SH3RF3: variants seen among roughly 807,000 people sequenced by gnomAD.
SH3RF3 encodes E3 ubiquitin-protein ligase SH3RF3.
A neutral mutation model predicts 66.3 loss-of-function variants in SH3RF3; 29 were observed. That is an observed-to-expected ratio of 0.44 (90% CI 0.33 to 0.60). The LOEUF (loss-of-function observed/expected upper bound fraction) is 0.60, where lower values mean the gene tolerates loss of function less well. SH3RF3 is among the 20% of genes least tolerant of loss of function. SH3RF3 has a pLI of 0.04. For synonymous variants in SH3RF3, 583 were observed against 532.0 expected, an observed-to-expected ratio of 1.10 and a Z score of -1.32; for missense variants, 1,194 against 1,190.9, an observed-to-expected ratio of 1.00 and a Z score of -0.04.
chr2:109,418,181 C>T (rs1676775040), intron 4 of SH3RF3, among the ~76,000 whole-genome samples: 1 of 152,060 alleles, frequency 6.6e-6, no homozygotes, highest in Admixed American at 6.5e-5. Context: ...CTGCTGGGAC[C>T]CCTATTCTGC....
chr2:109,245,540 T>A (rs1679896157), intron 1 of SH3RF3, among the ~76,000 whole-genome samples: 2 of 152,242 alleles, frequency 1.3e-5, no homozygotes, highest in Admixed American at 1.3e-4. Context: ...TTTTTATTTT[T>A]ATTGGACAAA....
rs191132256 is a variant in SH3RF3 at position 109,250,953 on chromosome 2, A to G, written c.574-96721A>G. ...ATTTCTAAATTAACGTTGTTTAGGC[A>G]TATACATTGCATTCTGTATAGCTTT... On this transcript the variant is annotated intron_variant, in intron 1 of 9. Transcript: ENST00000309415. 8.8e-3 allele frequency among the ~76,000 whole-genome samples: 1,339 copies of G among 152,172 alleles called. 7 individuals carry two copies. The highest frequency in any genetic ancestry group is 0.015 in the Non-Finnish European group (989 of 67,986).
intron 1 of SH3RF3, among the ~76,000 whole-genome samples, chr2:109,252,265 A>C (rs1680111580): frequency 6.6e-6 from 1 of 151,862 alleles, no homozygotes; most frequent in Non-Finnish European, 1.5e-5. Flanking sequence ...AAAAAAAAAA[A>C]AAACTTTCAA....
chr2:109,195,665 TC>T (rs1353745653), intron 1 of SH3RF3, among the ~76,000 whole-genome samples: 4 of 152,216 alleles, frequency 2.6e-5, no homozygotes, highest in Non-Finnish European at 5.9e-5. Context: ...GCCAGAGAGC[TC>T]CGCGTTTGCA....
intron 2 of SH3RF3, among the ~76,000 whole-genome samples, chr2:109,351,708 A>T (rs1312030768): frequency 6.6e-6 from 1 of 152,192 alleles, no homozygotes; most frequent in Non-Finnish European, 1.5e-5. Flanking sequence ...ACATGACTGC[A>T]GCGGGGCCCC....
chr2:109,402,375 C>A (rs1676338979), intron 4 of SH3RF3, among the ~76,000 whole-genome samples: 1 of 152,264 alleles, frequency 6.6e-6, no homozygotes, highest in Admixed American at 6.5e-5. Context: ...GCCCAGGATT[C>A]TGTGGTCAGT....
At chr2:109,197,561 G>GAATC (rs762407307) in intron 1 of SH3RF3, among the ~76,000 whole-genome samples, 4 of 152,256 alleles carry the variant, frequency 2.6e-5, no homozygotes, top group Non-Finnish European at 5.9e-5. Flanking sequence ...GGTGGCCGGG[G>GAATC]AGGGGTGGGA....
At chr2:109,325,000 G>A (rs1682116431) in intron 1 of SH3RF3, among the ~76,000 whole-genome samples, 1 of 152,140 alleles carries the variant, frequency 6.6e-6, no homozygotes, top group African/African-American at 2.4e-5. Flanking sequence ...TTTGTTCTGG[G>A]AGAGGCCTTT....
At chr2:109,476,570 TC>T (rs1278302937) in intron 8 of SH3RF3, among the ~76,000 whole-genome samples, 2 of 152,150 alleles carry the variant, frequency 1.3e-5, no homozygotes, top group Admixed American at 6.5e-5. Context: ...CCTCTAAAGC[TC>T]TCGGGCTCTC....
chr2:109,262,943 C>T (rs548205087), intron 1 of SH3RF3, among the ~76,000 whole-genome samples: 4 of 152,272 alleles, frequency 2.6e-5, no homozygotes, highest in African/African-American at 9.6e-5. Flanking sequence ...AGCAACTCTT[C>T]TGTCTCAGCC....
At chr2:109,413,227 G>T (rs1676641041) in intron 4 of SH3RF3, among the ~76,000 whole-genome samples, 1 of 152,190 alleles carries the variant, frequency 6.6e-6, no homozygotes. Context: ...CGATTCTCCT[G>T]CCTGAGCCTC....
At chr2:109,271,095 C>G in intron 1 of SH3RF3, among the ~76,000 whole-genome samples, 1 of 152,166 alleles carries the variant, frequency 6.6e-6, no homozygotes, top group South Asian at 2.1e-4. Context: ...CACCCCAGCT[C>G]AAGCACCCAG....
intron 4 of SH3RF3, among the ~76,000 whole-genome samples, chr2:109,406,207 G>A (rs190260810): frequency 3.3e-3 from 503 of 152,320 alleles, no homozygotes; most frequent in Non-Finnish European, 5.7e-3. Context: ...GTGCTCTGCT[G>A]GGGGAGGGAG....
chr2:109,143,090 G>T (rs947765930), intron 1 of SH3RF3, among the ~76,000 whole-genome samples: 1 of 152,144 alleles, frequency 6.6e-6, no homozygotes, highest in Admixed American at 6.5e-5. Context: ...AGTGTGGGGG[G>T]CCTGCCATGA....
At chr2:109,334,997 C>A (rs947986454) in intron 1 of SH3RF3, among the ~76,000 whole-genome samples, 1 of 152,256 alleles carries the variant, frequency 6.6e-6, no homozygotes, top group African/African-American at 2.4e-5. Context: ...GCTCTGAGAA[C>A]GCGATTTATG....
chr2:109,187,663 A>C (rs1306584127), intron 1 of SH3RF3, among the ~76,000 whole-genome samples: 2 of 152,020 alleles, frequency 1.3e-5, no homozygotes, highest in Non-Finnish European at 2.9e-5. Context: ...ATGCATGTAC[A>C]CTCTGATGTT....
At chr2:109,201,705 G>T (rs987583660) in intron 1 of SH3RF3, among the ~76,000 whole-genome samples, 1 of 152,226 alleles carries the variant, frequency 6.6e-6, no homozygotes, top group Non-Finnish European at 1.5e-5. Context: ...GAAACGCTGC[G>T]CCTTGCATGG....
intron 1 of SH3RF3, among the ~76,000 whole-genome samples, chr2:109,222,091 A>G (rs950525268): frequency 2.0e-5 from 3 of 152,236 alleles, no homozygotes; most frequent in African/African-American, 7.2e-5. Context: ...GAAACAAGCC[A>G]GGCACAGAAA....
At chr2:109,375,332 C>T (rs1271997955) in intron 3 of SH3RF3, among the ~76,000 whole-genome samples, 1 of 152,214 alleles carries the variant, frequency 6.6e-6, no homozygotes, top group Non-Finnish European at 1.5e-5. Flanking sequence ...GCGGCCGTCC[C>T]CACGCCAGGA....
Sources: allele counts gnomAD v4.1 joint callset (sites outside exome capture counted in the v4.1 genomes callset), GRCh38; gene constraint gnomAD v4.1.1; transcripts MANE v1.5; gene names NCBI Gene and HGNC (gene_info 2026-07-23, HGNC 2026-07-21).